GTF3A: variants seen among roughly 807,000 people sequenced by gnomAD.
GTF3A encodes transcription factor IIIA.
A neutral mutation model predicts 37.6 loss-of-function variants in GTF3A; 40 were observed. The ratio of observed to expected loss-of-function variants is 1.06; its 90% CI spans 0.83 to 1.38. GTF3A has a LOEUF of 1.38. Among genes scored for constraint, GTF3A ranks in the 40% most tolerant of loss-of-function variants. GTF3A has a pLI of 0.00. For missense variants in GTF3A, 500 were observed against 462.6 expected (o/e 1.08, Z -0.74); for synonymous variants, 191 against 166.7 (o/e 1.15, Z -1.12).
In GTF3A at chr13:27,435,617, A is replaced by G. The variant is rs1270774639; in HGVS notation, c.*20A>G. 1.2e-6 allele frequency: 2 copies of G among 1,612,838 alleles called. No individual in the cohort carries two copies. The highest frequency in any genetic ancestry group is 3.3e-5 in the Admixed American group (2 of 60,016). On this transcript the variant is annotated 3_prime_UTR_variant, in exon 9 of 9. Coordinates refer to ENST00000381140, the MANE Select transcript of GTF3A (RefSeq NM_002097.3). ...GGCTAAGAACTGCACTGCTTTGTTT[A>G]AAGGACTGCAGACCAAGGAGCGAGC...
chr13:27,434,664 G>A (rs1953692449), intron 6 of GTF3A, 141 bp from the exon 7 acceptor site: 3 of 592,420 alleles, frequency 5.1e-6, no homozygotes. Flanking sequence ...ATAAAAACTG[G>A]GGTTGTTTCC....
chr13:27,434,053 A>G, intron 5 of GTF3A, 86 bp from the exon 6 acceptor site: 2 of 717,642 alleles, frequency 2.8e-6, no homozygotes, highest in Non-Finnish European at 5.1e-6. Flanking sequence ...ATGGAAAATT[A>G]TATAGGCACC....
Position 27,435,495 on chromosome 13 carries a change from A to C in GTF3A, c.996A>C (p.Lys332Asn). 6.2e-7 allele frequency: 1 copy of C among 1,613,344 alleles called. No homozygotes were observed. Among genetic ancestry groups the C allele is most frequent in the Non-Finnish European group, 8.5e-7 (1 of 1,179,496 alleles). ...ATCTCAGTGGATATATCCCTCCCAA[A>C]AGGAAACAAGGGCAAGGCTTATCTT... is the stretch of plus-strand genomic sequence containing the variant. The change falls in exon 9 of 9, where the codon AAA (lysine) becomes AAC (asparagine). Residue 332 changes from lysine to asparagine, a missense_variant. Lys to Asn is a moderately conservative substitution (Grantham distance 94). Transcript: ENST00000381140.
chr13:27,428,602 G>A (rs1404461018), intron 2 of GTF3A, among the ~76,000 whole-genome samples: 3 of 152,142 alleles, frequency 2.0e-5, no homozygotes, highest in African/African-American at 7.2e-5. Context: ...CAAGTGTGCC[G>A]GGGTCTCTCA....
At chr13:27,434,102 G>A (rs1244759787) in intron 5 of GTF3A, 37 bp from the exon 6 acceptor site, 1 of 817,794 alleles carries the variant, frequency 1.2e-6, no homozygotes, top group East Asian at 2.4e-5. Flanking sequence ...TTTACACTGA[G>A]TATTCATGAC....
At chr13:27,431,892 C>T (rs1053311293) in intron 4 of GTF3A, among the ~76,000 whole-genome samples, 1 of 151,734 alleles carries the variant, frequency 6.6e-6, no homozygotes, top group Non-Finnish European at 1.5e-5. Flanking sequence ...GTTTACTTTG[C>T]TCTGAAAGAA....
intron 4 of GTF3A, among the ~76,000 whole-genome samples, chr13:27,432,097 C>T (rs540167190): frequency 3.3e-5 from 5 of 152,264 alleles, no homozygotes; most frequent in African/African-American, 9.6e-5. Flanking sequence ...TTTTGAGGAA[C>T]GTGAGGGTGG....
In GTF3A at chr13:27,435,808, G is replaced by C. The variant is rs1186233950; in HGVS notation, c.*211G>C. The C allele has an allele frequency of 1.2e-6, 2 of 1,613,994 alleles. No homozygotes were observed. Among genetic ancestry groups the C allele is most frequent in the Non-Finnish European group, 1.7e-6 (2 of 1,180,032 alleles). ...GAAAGCACGAAGAACACACATTAAA[G>C]CTTTTCCTCCTTGAACAGCTTGTGG... On this transcript the variant is annotated 3_prime_UTR_variant, in exon 9 of 9. Coordinates refer to ENST00000381140, the MANE Select transcript of GTF3A (RefSeq NM_002097.3).
rs766647703 is a variant in GTF3A, at chr13:27,435,141, C to T, written c.882C>T (p.Leu294=). The change falls in exon 8 of 9, where the codon CTC becomes CTT. Residue 294 remains leucine, a synonymous_variant. Coordinates refer to ENST00000381140, the MANE Select transcript of GTF3A (RefSeq NM_002097.3). Reference sequence around the variant, plus strand: ...TTTCTCTTTCATTGTAGCAAAGTCTCACTAGGCATGCTGTTGTACATGATC... The same window carrying T: ...TTTCTCTTTCATTGTAGCAAAGTCTTACTAGGCATGCTGTTGTACATGATC... 53 of 1,609,562 alleles carry T rather than the reference C, an allele frequency of 3.3e-5. 1 individual carries two copies. The South Asian group carries it at 5.4e-4, about 16-fold the overall frequency.
At chr13:27,427,357 C>T (rs1364441487) in intron 2 of GTF3A, among the ~76,000 whole-genome samples, 165 bp downstream of exon 2, 1 of 151,880 alleles carries the variant, frequency 6.6e-6, no homozygotes, top group Admixed American at 6.6e-5. Context: ...ATGGGCAGAT[C>T]ACTTGAACCC....
intron 2 of GTF3A, among the ~76,000 whole-genome samples, chr13:27,427,787 G>A (rs574989053): frequency 2.6e-5 from 4 of 151,708 alleles, no homozygotes; most frequent in Non-Finnish European, 5.9e-5. Flanking sequence ...AATGTCATCT[G>A]TTTTGGGAGC....
In GTF3A at chr13:27,434,150, C is replaced by CA; in HGVS notation, c.579dup (p.Gly194ArgfsTer21). 1 of 1,299,790 alleles carries CA rather than the reference C, an allele frequency of 7.7e-7. No homozygotes were observed. The highest frequency in any genetic ancestry group is 1.1e-6 in the Non-Finnish European group (1 of 892,884). The allele number at this position is 1,299,790 out of a possible 1,614,324, so 80.5% of individuals were successfully genotyped here. On this transcript the variant is annotated frameshift_variant, in exon 6 of 9. Coordinates refer to ENST00000381140, the MANE Select transcript of GTF3A (RefSeq NM_002097.3). LOFTEE classifies it high-confidence loss of function. ...AATTTTTTTAATAGGCTATGTATGT[C>CA]AAAAAGGATGTTCCTTTGTGGCAAA...
At chr13:27,434,000 A>T in intron 5 of GTF3A, 139 bp from the exon 6 acceptor site, 1 of 598,816 alleles carries the variant, frequency 1.7e-6, no homozygotes, top group Non-Finnish European at 3.0e-6. Context: ...TTTAGTTTTT[A>T]TTCCCACCTC....
intron 8 of GTF3A, 93 bp downstream of exon 8, chr13:27,435,285 C>CTGTT: frequency 1.6e-6 from 2 of 1,252,198 alleles, no homozygotes; most frequent in East Asian, 2.4e-5. Context: ...ACCTGCTTTA[C>CTGTT]TGTTTGAGTC....
chr13:27,431,215 C>G (rs1231187190), intron 4 of GTF3A, among the ~76,000 whole-genome samples: 1 of 152,034 alleles, frequency 6.6e-6, no homozygotes, highest in African/African-American at 2.4e-5. Flanking sequence ...CTGTTTTGTT[C>G]CATTGGTCTA....
intron 4 of GTF3A, 131 bp from the exon 5 acceptor site, chr13:27,432,598 TAC>T (rs2138026922): frequency 1.9e-5 from 13 of 701,416 alleles, no homozygotes; most frequent in Non-Finnish European, 3.1e-5. Context: ...TGATGAGAGC[TAC>T]ATTTTAACAT....
At position 27,427,114 on chromosome 13, in the gene GTF3A, A is replaced by G. The variant is rs780931821; in HGVS notation, c.224A>G (p.Glu75Gly). 12 of 1,593,254 alleles carry G rather than the reference A, an allele frequency of 7.5e-6. No homozygotes were observed. The highest frequency in any genetic ancestry group is 5.0e-5 in the Admixed American group (3 of 59,824). ...TAGAGACCATTTGTTTGTGACTATGAAGGGTGTGGCAAGGCCTTCATCAGG... is the reference window on the plus strand; with the variant it reads ...TAGAGACCATTTGTTTGTGACTATGGAGGGTGTGGCAAGGCCTTCATCAGG... The change falls in exon 2 of 9, where the codon GAA (glutamate) becomes GGA (glycine). Residue 75 changes from glutamate (E) to glycine (G), a missense_variant. Coordinates refer to ENST00000381140, the MANE Select transcript of GTF3A (RefSeq NM_002097.3).
chr13:27,435,227 A>G (rs1953700905), intron 8 of GTF3A, 35 bp downstream of exon 8: 1 of 1,546,854 alleles, frequency 6.5e-7, no homozygotes, highest in African/African-American at 1.4e-5. Flanking sequence ...CTTAGTTTTC[A>G]AGTGGAAATT....
rs754577548 is a variant in GTF3A, at chr13:27,435,569, C to A, written c.1070C>A (p.Ser357Ter). ...AACTGTGTGGAAGACAAGATGCTCTCGACAGTTGCAGTACTTACCCTTGGC... is the reference window on the plus strand; with the variant it reads ...AACTGTGTGGAAGACAAGATGCTCTAGACAGTTGCAGTACTTACCCTTGGC... Residue 357 changes from serine to a stop codon, truncating the protein, a stop_gained, in exon 9 of 9, where the codon TCG (serine) becomes TAG (stop). Coordinates refer to ENST00000381140, the MANE Select transcript of GTF3A (RefSeq NM_002097.3). LOFTEE classifies it low-confidence loss of function (END_TRUNC). 3.7e-6 allele frequency: 6 copies of A among 1,613,426 alleles called. No individual in the cohort carries two copies. Among genetic ancestry groups the A allele is most frequent in the Non-Finnish European group, 5.1e-6 (6 of 1,179,588 alleles).
Sources: allele counts gnomAD v4.1 joint callset (sites outside exome capture counted in the v4.1 genomes callset), GRCh38; gene constraint gnomAD v4.1.1; transcripts MANE v1.5; gene names NCBI Gene and HGNC (gene_info 2026-07-23, HGNC 2026-07-21).